Variants in ANKH observed in about 807,000 individuals in gnomAD.
ANKH encodes mineralization regulator ANKH.
Under a neutral mutation model 49.0 loss-of-function variants are expected in ANKH, and 15 were observed. The observed-to-expected ratio is 0.31, with a 90% CI of 0.20 to 0.47. The LOEUF is 0.47. Ranked by LOEUF, ANKH falls within the 20% of genes least tolerant of loss-of-function variation. The probability of loss-of-function intolerance (pLI) is 1.00; values close to 1 mark genes in which losing one functional copy is unlikely to be tolerated. For synonymous variants in ANKH, 273 were observed against 260.0 expected, an observed-to-expected ratio of 1.05 and a Z score of -0.48; for missense variants, 429 against 652.0, an observed-to-expected ratio of 0.66 and a Z score of 3.72.
chr5:14,722,851 A>C (rs936451011), intron 8 of ANKH, among the ~76,000 whole-genome samples: 1 of 152,052 alleles, frequency 6.6e-6, no homozygotes, highest in Non-Finnish European at 1.5e-5. Flanking sequence ...CAGCAGAGGA[A>C]CACGGCAGAC....
At chr5:14,716,680 GC>G in intron 9 of ANKH, 25 bp downstream of exon 9, 1 of 1,613,312 alleles carries the variant, frequency 6.2e-7, no homozygotes. Flanking sequence ...AAACAGGAAT[GC>G]TTCCTTCATT....
intron 2 of ANKH, among the ~76,000 whole-genome samples, chr5:14,765,471 C>T (rs1373409881): frequency 6.6e-6 from 1 of 152,138 alleles, no homozygotes; most frequent in East Asian, 1.9e-4. Context: ...ATCTTTCCCG[C>T]ACAATCTCCA....
chr5:14,792,582 G>A (rs943372237), intron 1 of ANKH, among the ~76,000 whole-genome samples: 7 of 152,092 alleles, frequency 4.6e-5, no homozygotes, highest in African/African-American at 1.4e-4. Flanking sequence ...AGGAAAGAAC[G>A]ATTTGGGGGT....
intron 2 of ANKH, among the ~76,000 whole-genome samples, chr5:14,766,883 T>C (rs1247818209): frequency 1.3e-5 from 2 of 152,232 alleles, no homozygotes; most frequent in Non-Finnish European, 2.9e-5. Flanking sequence ...TCGAGTCAAA[T>C]ATACTTGGAG....
chr5:14,733,542 A>T (rs1738071651), intron 8 of ANKH, among the ~76,000 whole-genome samples: 1 of 152,188 alleles, frequency 6.6e-6, no homozygotes, highest in South Asian at 2.1e-4. Flanking sequence ...GTGTCAAATG[A>T]TATGTTACTT....
Position 14,864,868 on chromosome 5 carries a change from A to C in ANKH, c.96+6484T>G, listed in dbSNP as rs138449606. 8.8e-3 allele frequency among the ~76,000 whole-genome samples: 1,336 copies of C among 152,218 alleles called. 21 individuals are homozygous for C. The highest frequency in any genetic ancestry group is 0.03 in the African/African-American group (1,245 of 41,510). ...TGTGAAACATACACACATACACACC[A>C]TTTTTTATATGTGTGTATATATAAT... On this transcript the variant is annotated intron_variant, in intron 1 of 11. Transcript: ENST00000284268.
At chr5:14,865,451 TTC>T (rs1490016868) in intron 1 of ANKH, among the ~76,000 whole-genome samples, 1 of 152,230 alleles carries the variant, frequency 6.6e-6, no homozygotes. Flanking sequence ...TTGAAATTTA[TTC>T]TGTTACTACA....
intron 1 of ANKH, among the ~76,000 whole-genome samples, chr5:14,809,388 A>T (rs1740812234): frequency 1.3e-5 from 2 of 151,328 alleles, no homozygotes; most frequent in Non-Finnish European, 2.9e-5. Context: ...TAAGGAAAAA[A>T]AAATAAAATA....
At chr5:14,712,536 G>A (rs528315727) in intron 11 of ANKH, among the ~76,000 whole-genome samples, 13 of 152,292 alleles carry the variant, frequency 8.5e-5, no homozygotes, top group South Asian at 4.1e-4. Flanking sequence ...CTCTCCCATC[G>A]GCAGCATCGC....
intron 1 of ANKH, among the ~76,000 whole-genome samples, chr5:14,794,705 A>C (rs928794248): frequency 6.6e-6 from 1 of 152,226 alleles, no homozygotes; most frequent in African/African-American, 2.4e-5. Context: ...CAGATGAGAG[A>C]GCTTGCTGCA....
intron 1 of ANKH, among the ~76,000 whole-genome samples, chr5:14,777,541 C>T (rs1332996705): frequency 6.6e-6 from 1 of 152,198 alleles, no homozygotes; most frequent in Non-Finnish European, 1.5e-5. Context: ...TCATTAAATC[C>T]TAAAAGAGAC....
At chr5:14,808,711 T>C (rs950482483) in intron 1 of ANKH, among the ~76,000 whole-genome samples, 5 of 148,542 alleles carry the variant, frequency 3.4e-5, no homozygotes, top group African/African-American at 1.0e-4. Flanking sequence ...TGTGGAGAAA[T>C]AGGAACACTT....
At chr5:14,712,784 G>A (rs578085545) in intron 11 of ANKH, 90 bp downstream of exon 11, 63 of 1,306,690 alleles carry the variant, frequency 4.8e-5, no homozygotes, top group East Asian at 2.5e-5. Flanking sequence ...ACTGACGAAC[G>A]CCACCATCCA....
intron 1 of ANKH, among the ~76,000 whole-genome samples, chr5:14,827,023 G>A (rs1741362591): frequency 6.6e-6 from 1 of 152,158 alleles, no homozygotes; most frequent in Non-Finnish European, 1.5e-5. Context: ...CCAGCTACAG[G>A]CTGAAAGTCA....
chr5:14,741,702 A>T (rs901073628), intron 8 of ANKH, 125 bp downstream of exon 8: 39 of 741,332 alleles, frequency 5.3e-5, no homozygotes, highest in Non-Finnish European at 8.5e-5. Context: ...TGTATTGAAG[A>T]GATTGCTAAT....
Position 14,833,393 on chromosome 5 carries a change from A to C in ANKH, c.96+37959T>G, listed in dbSNP as rs561796508. Among the ~76,000 whole-genome samples the C allele has an allele frequency of 2.0e-5, 3 of 152,278 alleles. No individual in the cohort carries two copies. The East Asian group carries it at 5.8e-4, about 29-fold the overall frequency. On this transcript the variant is annotated intron_variant, in intron 1 of 11. Transcript: ENST00000284268. ...CACAAGGGTGTTCGCTATTCATGGG[A>C]ATGGGTAATAGACTAGTAAAAGGTT...
intron 11 of ANKH, among the ~76,000 whole-genome samples, chr5:14,712,309 C>G (rs1289786778): frequency 6.6e-6 from 1 of 152,256 alleles, no homozygotes; most frequent in Non-Finnish European, 1.5e-5. Context: ...TGTTTCCCCA[C>G]CCATGTGTCC....
At chr5:14,728,884 G>A (rs1737903384) in intron 8 of ANKH, among the ~76,000 whole-genome samples, 1 of 152,260 alleles carries the variant, frequency 6.6e-6, no homozygotes, top group African/African-American at 2.4e-5. Context: ...AGACGGTGGA[G>A]TCCTTGGGGT....
chr5:14,794,239 C>G (rs1455122082), intron 1 of ANKH, among the ~76,000 whole-genome samples: 1 of 152,234 alleles, frequency 6.6e-6, no homozygotes, highest in Non-Finnish European at 1.5e-5. Flanking sequence ...ATTTTAGCCA[C>G]AGAGGAGACC....
Sources: allele counts gnomAD v4.1 joint callset (sites outside exome capture counted in the v4.1 genomes callset), GRCh38; gene constraint gnomAD v4.1.1; transcripts MANE v1.5; gene names NCBI Gene and HGNC (gene_info 2026-07-23, HGNC 2026-07-21).